The following SUPT16H variants were observed in gnomAD, a reference collection of about 807,000 sequenced individuals.
SUPT16H encodes SPT16 homolog, facilitates chromatin remodeling subunit, also known as FACT complex subunit SPT16.
A neutral mutation model predicts 136.2 loss-of-function variants in SUPT16H; 24 were observed. The observed-to-expected ratio is 0.18, with a 90% CI of 0.13 to 0.25. SUPT16H has a LOEUF of 0.25. Ranked by LOEUF, SUPT16H falls within the 10% of genes least tolerant of loss-of-function variation. SUPT16H has a pLI of 1.00. For missense variants in SUPT16H, 623 were observed against 1,270.2 expected (o/e 0.49, Z 7.74); for synonymous variants, 415 against 428.2 (o/e 0.97, Z 0.38).
At chr14:21,361,767 A>T (rs945724796) in intron 15 of SUPT16H, among the ~76,000 whole-genome samples, 2 of 152,004 alleles carry the variant, frequency 1.3e-5, no homozygotes, top group African/African-American at 4.8e-5. Flanking sequence ...ACTTATTTTC[A>T]TAATTATTTT....
intron 1 of SUPT16H, among the ~76,000 whole-genome samples, chr14:21,380,312 T>TTTTTTTTTTTTA (rs1555311137): frequency 6.7e-6 from 1 of 149,934 alleles, no homozygotes. Flanking sequence ...TTTTTTTTTT[T>TTTTTTTTTTTTA]AAAGAAATGG....
intron 11 of SUPT16H, 29 bp downstream of exon 11, chr14:21,363,409 C>T: frequency 6.2e-7 from 1 of 1,611,346 alleles, no homozygotes; most frequent in South Asian, 1.1e-5. Context: ...TCCTAAACTT[C>T]CTATACTACT....
chr14:21,364,984 G>A (rs761289492), intron 9 of SUPT16H, 45 bp from the exon 10 acceptor site: 5 of 1,607,624 alleles, frequency 3.1e-6, no homozygotes, highest in Admixed American at 3.3e-5. Flanking sequence ...TGACAATGTG[G>A]AGAGGTGTGA....
intron 1 of SUPT16H, chr14:21,383,047 G>A (rs931897450): frequency 6.6e-6 from 1 of 152,292 alleles, no homozygotes; most frequent in Non-Finnish European, 1.5e-5. Flanking sequence ...CAAGACTTAA[G>A]CTAGCCAACT....
chr14:21,381,551 T>A (rs1384241268), intron 1 of SUPT16H, among the ~76,000 whole-genome samples: 1 of 152,008 alleles, frequency 6.6e-6, no homozygotes, highest in African/African-American at 2.4e-5. Flanking sequence ...TAGTTAATTT[T>A]AGTCATAACA....
At chr14:21,364,231 C>CCT (rs56237072) in intron 10 of SUPT16H, among the ~76,000 whole-genome samples, 142,012 of 152,158 alleles carry the variant, frequency 0.93, 66,420 homozygotes, top group African/African-American at 0.98. Flanking sequence ...AAAATCAGTT[C>CCT]GCTGAGGGAA....
At position 21,367,982 on chromosome 14, in the gene SUPT16H, G is replaced by A. The variant is rs190517503; in HGVS notation, c.955+287C>T. Among the ~76,000 whole-genome samples the A allele has an allele frequency of 2.8e-3, 433 of 152,156 alleles. 3 individuals carry two copies. Among genetic ancestry groups the A allele is most frequent in the African/African-American group, 9.7e-3 (401 of 41,494 alleles). ...CATAGCTCACTGCCGAGGTATAATC[G>A]CAACTCACTGCAGCCTTGACCATTC... is the stretch of plus-strand genomic sequence containing the variant. On this transcript the variant is annotated intron_variant, in intron 7 of 25. Coordinates refer to ENST00000216297, the MANE Select transcript of SUPT16H (RefSeq NM_007192.4).
intron 4 of SUPT16H, 143 bp from the exon 5 acceptor site, chr14:21,370,039 C>T: frequency 1.9e-6 from 2 of 1,069,894 alleles, no homozygotes; most frequent in East Asian, 5.2e-5. Flanking sequence ...ACATTCTCTT[C>T]TTGAACTGAA....
intron 4 of SUPT16H, 50 bp downstream of exon 4, chr14:21,370,286 C>T (rs761267312): frequency 4.4e-6 from 7 of 1,590,142 alleles, no homozygotes; most frequent in Admixed American, 1.8e-5. Flanking sequence ...AAGCCCATCA[C>T]ATTTCTGTCT....
At chr14:21,368,064 C>A (rs889779230) in intron 7 of SUPT16H, among the ~76,000 whole-genome samples, 1 of 152,132 alleles carries the variant, frequency 6.6e-6, no homozygotes, top group Non-Finnish European at 1.5e-5. Context: ...CAGGCGTGCA[C>A]CACTATGCCC....
chr14:21,372,065 G>A (rs1418298269), intron 2 of SUPT16H, 21 bp from the exon 3 acceptor site: 2 of 1,602,486 alleles, frequency 1.2e-6, no homozygotes, highest in Non-Finnish European at 1.7e-6. Context: ...AGACAACAGT[G>A]ACAACGGTAT....
intron 1 of SUPT16H, 56 bp downstream of exon 1, chr14:21,383,806 G>C: frequency 6.3e-7 from 1 of 1,598,406 alleles, no homozygotes; most frequent in South Asian, 1.1e-5. Flanking sequence ...GAGAAACAGG[G>C]TTATTATGGG....
Position 21,362,330 on chromosome 14 carries a change from C to A in SUPT16H, c.1666-6G>T. On this transcript the variant is annotated splice_region_variant and splice_polypyrimidine_tract_variant and intron_variant, in intron 14 of 25. Coordinates refer to ENST00000216297, the MANE Select transcript of SUPT16H (RefSeq NM_007192.4). ...TCCACGGACATACTTATATTCTGTT[C>A]AAAGGAAAAGCATAAAAAGTAAACA... 1 of 1,605,640 alleles carries A rather than the reference C, an allele frequency of 6.2e-7. No individual in the cohort carries two copies. The highest frequency in any genetic ancestry group is 1.1e-5 in the South Asian group (1 of 89,172).
At chr14:21,361,994 A>G (rs1886566781) in intron 15 of SUPT16H, among the ~76,000 whole-genome samples, 1 of 152,220 alleles carries the variant, frequency 6.6e-6, no homozygotes, top group Non-Finnish European at 1.5e-5. Context: ...TGTTTAGTAA[A>G]TATATAGTAT....
chr14:21,353,777 T>C lies in SUPT16H; in HGVS notation c.2846A>G (p.Asn949Ser). ...CTCTTCATAGTCATCTTCTGAAGGA[T>C]TAAAAGTCTCATCTTCAATTTCAGA... ...SESEIEDETF[N>S]PSEDDYEEEE... is the part of the protein sequence containing the mutation. Residue 949 changes from asparagine to serine, a missense_variant, in exon 24 of 26, where the codon AAT becomes AGT. Asn to Ser is a conservative substitution (Grantham distance 46, BLOSUM62 1). Transcript: ENST00000216297. 6.2e-7 allele frequency: 1 copy of C among 1,614,116 alleles called. No homozygotes were observed. Among genetic ancestry groups the C allele is most frequent in the Non-Finnish European group, 8.5e-7 (1 of 1,179,998 alleles).
At chr14:21,356,143 A>G (rs1372197549) in intron 22 of SUPT16H, among the ~76,000 whole-genome samples, 1 of 152,158 alleles carries the variant, frequency 6.6e-6, no homozygotes, top group East Asian at 1.9e-4. Context: ...GGACAGCTAG[A>G]ATTTGTGGAG....
At chr14:21,373,483 T>C in intron 1 of SUPT16H, 53 bp from the exon 2 acceptor site, 2 of 1,279,152 alleles carry the variant, frequency 1.6e-6, no homozygotes, top group East Asian at 2.3e-5. Context: ...AAAACAGGAA[T>C]ACAGCCTTCA....
Position 21,352,525 on chromosome 14 carries a change from T to C in SUPT16H, c.*148A>G, listed in dbSNP as rs771097284. On this transcript the variant is annotated 3_prime_UTR_variant, in exon 26 of 26. Coordinates refer to ENST00000216297, the MANE Select transcript of SUPT16H (RefSeq NM_007192.4). ...GTGGGCCTGGAATTCCCCGAGTAGATTGGTCCACACAAATGGCCCCCTAAA... is the reference window on the plus strand; with the variant it reads ...GTGGGCCTGGAATTCCCCGAGTAGACTGGTCCACACAAATGGCCCCCTAAA... 146 of 1,274,362 alleles carry C rather than the reference T, an allele frequency of 1.1e-4. No homozygotes were observed. Among genetic ancestry groups the C allele is most frequent in the South Asian group, 5.5e-4 (39 of 71,288 alleles). The allele number at this position is 1,274,362 out of a possible 1,614,324, so 78.9% of individuals were successfully genotyped here.
chr14:21,383,756 G>A (rs1043896525), intron 1 of SUPT16H, 106 bp downstream of exon 1: 3 of 1,334,920 alleles, frequency 2.2e-6, no homozygotes, highest in Non-Finnish European at 3.2e-6. Context: ...GTGAGGCACA[G>A]AACCCGGGAA....
Sources: gnomAD v4.1 joint callset for allele counts (sites outside exome capture counted in the v4.1 genomes callset) on GRCh38, gnomAD v4.1.1 for gene constraint, MANE v1.5 for transcripts, NCBI Gene and HGNC (gene_info 2026-07-23, HGNC 2026-07-21) for gene names.